The following CLIC5 variants were observed in gnomAD, a reference collection of about 807,000 sequenced individuals.
The protein encoded by CLIC5 is CLIC family member 5, also known as chloride intracellular channel protein 5.
A neutral mutation model predicts 24.7 loss-of-function variants in CLIC5; 20 were observed. The ratio of observed to expected loss-of-function variants is 0.81; its 90% CI spans 0.57 to 1.18. The LOEUF is 1.18. CLIC5 is among the 50% of genes most tolerant of loss of function. CLIC5 has a pLI of 0.00. For missense variants in CLIC5, 341 were observed against 326.1 expected, an observed-to-expected ratio of 1.05 and a Z score of -0.35; for synonymous variants, 159 against 135.6, an observed-to-expected ratio of 1.17 and a Z score of -1.20.
intron 4 of CLIC5, among the ~76,000 whole-genome samples, chr6:45,925,479 G>C (rs1444120883): frequency 2.6e-5 from 4 of 152,088 alleles, no homozygotes; most frequent in African/African-American, 9.7e-5. Flanking sequence ...ACCACGCCTG[G>C]CTAATTTTTG....
At chr6:46,055,917 C>T (rs1404581874) in intron 1 of CLIC5, among the ~76,000 whole-genome samples, 1 of 152,080 alleles carries the variant, frequency 6.6e-6, no homozygotes, top group East Asian at 1.9e-4. Flanking sequence ...TGGTTATTGG[C>T]TGGGGCTATG....
At chr6:46,112,742 A>C in the CLIC5 span, among the ~76,000 whole-genome samples, 1 of 152,176 alleles carries the variant, frequency 6.6e-6, no homozygotes. Context: ...TGAGCTTATC[A>C]AGGTCTCTGA....
intron 5 of CLIC5, among the ~76,000 whole-genome samples, chr6:45,910,331 A>G (rs1762781823): frequency 6.6e-6 from 1 of 152,214 alleles, no homozygotes; most frequent in South Asian, 2.1e-4. Context: ...TATAAGGAAG[A>G]ATCTATTATA....
chr6:45,896,326 T>TTATTGCCATA (rs1356731599), downstream of CLIC5, among the ~76,000 whole-genome samples: 1 of 152,246 alleles, frequency 6.6e-6, no homozygotes. Context: ...TCATTCCACT[T>TTATTGCCATA]AAAATAACCC....
At chr6:45,920,177 C>A in intron 4 of CLIC5, 1 of 979,222 alleles carries the variant, frequency 1.0e-6, no homozygotes, top group Non-Finnish European at 1.2e-6. Flanking sequence ...TGCTTGATTT[C>A]AGATATAATT....
In CLIC5 at chr6:45,923,368, C is replaced by A. The variant is rs536738040; in HGVS notation, c.407-8959G>T. Among the ~76,000 whole-genome samples, 21 of 152,354 alleles carry A rather than the reference C, an allele frequency of 1.4e-4. No homozygotes were observed. The East Asian group carries it at 4.0e-3, about 29-fold the overall frequency. On this transcript the variant is annotated intron_variant, in intron 4 of 5. Coordinates refer to ENST00000339561, the MANE Select transcript of CLIC5 (RefSeq NM_016929.5). ...GAGATTTTTCTCAATTCTCCCTCCC[C>A]CAAAACACTTAGGCTGAAGTACATT...
intron 1 of CLIC5, among the ~76,000 whole-genome samples, chr6:46,051,254 C>T (rs771429619): frequency 6.6e-6 from 1 of 152,212 alleles, no homozygotes; most frequent in Non-Finnish European, 1.5e-5. Flanking sequence ...TCTCCATAAA[C>T]ATTTGTTGAG....
At chr6:46,084,823 C>T (rs1176918139), upstream of CLIC5, among the ~76,000 whole-genome samples, 1 of 152,146 alleles carries the variant, frequency 6.6e-6, no homozygotes, top group Admixed American at 6.5e-5. Context: ...GTTGGCTTGC[C>T]TTGCTAGATT....
chr6:45,961,426 A>G (rs542390014), intron 1 of CLIC5, among the ~76,000 whole-genome samples: 1 of 152,358 alleles, frequency 6.6e-6, no homozygotes, highest in Middle Eastern at 3.4e-3. Context: ...CCATAGCAGA[A>G]TCAGGTCTCT....
At chr6:46,094,849 T>G in the CLIC5 span, among the ~76,000 whole-genome samples, 1 of 152,330 alleles carries the variant, frequency 6.6e-6, no homozygotes, top group African/African-American at 2.4e-5. Context: ...GGGGCTACAA[T>G]CCCACATTTT....
intron 4 of CLIC5, among the ~76,000 whole-genome samples, chr6:45,925,432 T>C (rs1763444481): frequency 6.6e-6 from 1 of 151,384 alleles, no homozygotes; most frequent in Non-Finnish European, 1.5e-5. Flanking sequence ...TTCTTCTGCC[T>C]CAGCCTCCCA....
At chr6:46,083,009 T>A (rs1393343362), upstream of CLIC5, among the ~76,000 whole-genome samples, 1 of 152,242 alleles carries the variant, frequency 6.6e-6, no homozygotes, top group African/African-American at 2.4e-5. Context: ...GAATACGTAT[T>A]TGTTGAATGA....
intron 1 of CLIC5, among the ~76,000 whole-genome samples, chr6:46,025,845 T>C (rs1329694811): frequency 6.6e-6 from 1 of 152,258 alleles, no homozygotes; most frequent in Middle Eastern, 3.4e-3. Context: ...TGAGATCTGA[T>C]GGTTTAAAAG....
the CLIC5 span, among the ~76,000 whole-genome samples, chr6:46,088,640 TTTA>T: frequency 5.2e-3 from 786 of 152,332 alleles, 11 homozygotes; most frequent in African/African-American, 0.018. Context: ...CATGTACATT[TTTA>T]TTCTTTTTTA....
At chr6:45,981,105 A>C (rs1765554795) in intron 1 of CLIC5, among the ~76,000 whole-genome samples, 1 of 151,908 alleles carries the variant, frequency 6.6e-6, no homozygotes, top group Non-Finnish European at 1.5e-5. Context: ...TGAGTAGCTG[A>C]AACTACAATA....
At chr6:46,028,575 C>A (rs9463167) in intron 1 of CLIC5, among the ~76,000 whole-genome samples, 19,922 of 152,210 alleles carry the variant, frequency 0.13, 1,378 homozygotes, top group African/African-American at 0.16. Flanking sequence ...CCTTTCTCTT[C>A]CAGTAAGTTA....
intron 3 of CLIC5, among the ~76,000 whole-genome samples, chr6:45,942,164 C>T (rs1203080595): frequency 6.6e-6 from 1 of 152,194 alleles, no homozygotes; most frequent in Non-Finnish European, 1.5e-5. Context: ...TACCCACGGT[C>T]CTCTTCTGAA....
At chr6:45,976,399 G>A (rs1288399004) in intron 1 of CLIC5, among the ~76,000 whole-genome samples, 1 of 152,040 alleles carries the variant, frequency 6.6e-6, no homozygotes, top group Non-Finnish European at 1.5e-5. Context: ...GCCTAGGACT[G>A]GGGGAATTCC....
At chr6:46,086,559 T>G in the CLIC5 span, among the ~76,000 whole-genome samples, 1 of 152,210 alleles carries the variant, frequency 6.6e-6, no homozygotes, top group Admixed American at 6.5e-5. Context: ...AGTACTGGGC[T>G]AGACTGTGGA....
Sources: allele counts gnomAD v4.1 joint callset (sites outside exome capture counted in the v4.1 genomes callset), GRCh38; gene constraint gnomAD v4.1.1; transcripts MANE v1.5; gene names NCBI Gene and HGNC (gene_info 2026-07-23, HGNC 2026-07-21).